The following CUL7 variants were observed in gnomAD, a reference collection of about 807,000 sequenced individuals.
CUL7 encodes the protein cullin-7.
Under a neutral mutation model 177.7 loss-of-function variants are expected in CUL7, and 96 were observed. The ratio of observed to expected loss-of-function variants is 0.54; its 90% CI spans 0.46 to 0.64. The LOEUF is 0.64. Among genes scored for constraint, CUL7 ranks in the 30% least tolerant of loss-of-function variants. The pLI is 0.00. For missense variants in CUL7, 1,893 were observed against 2,187.9 expected (o/e 0.87, Z 2.69); for synonymous variants, 824 against 890.2 (o/e 0.93, Z 1.32).
chr6:43,047,257 GA>G, intron 9 of CUL7, 150 bp from the exon 10 acceptor site: 2 of 652,144 alleles, frequency 3.1e-6, no homozygotes. Flanking sequence ...AAAAGACAGG[GA>G]TGGGGAGACA....
chr6:43,047,185 C>G, intron 9 of CUL7, 78 bp from the exon 10 acceptor site: 1 of 796,614 alleles, frequency 1.3e-6, no homozygotes, highest in African/African-American at 1.7e-5. Flanking sequence ...CAGGTACCCA[C>G]TGTGTACTCT....
chr6:43,039,380 C>T (rs1229912705), intron 22 of CUL7, among the ~76,000 whole-genome samples: 1 of 152,222 alleles, frequency 6.6e-6, no homozygotes, highest in Non-Finnish European at 1.5e-5. Context: ...AGCCTCTTCC[C>T]CCTCCTGTGT....
rs1377596458 is a variant in CUL7 at position 43,053,816 on chromosome 6, C to G, written c.-203G>C. The G allele has an allele frequency of 2.0e-6, 3 of 1,532,998 alleles. No homozygotes were observed. The highest frequency in any genetic ancestry group is 1.2e-5 in the South Asian group (1 of 83,954). The allele number at this position is 1,532,998 out of a possible 1,614,324, so 95.0% of individuals were successfully genotyped here. ...GCAGCCACTGGGGCAGGGTGGGGCC[C>G]GGTCCCTGCCAGCGGCTCCGCCAGC... On this transcript the variant is annotated 5_prime_UTR_variant, in exon 1 of 26. Transcript: ENST00000265348. This position sits in a 1 kb window ranked among gnomAD's most constrained non-coding sequence, Gnocchi z 4.1.
chr6:43,042,758 T>G lies in CUL7; in HGVS notation c.3645+44A>C, dbSNP rs1212650540. On this transcript the variant is annotated intron_variant, in intron 19 of 25. Coordinates refer to ENST00000265348, the MANE Select transcript of CUL7 (RefSeq NM_014780.5). The stretch of plus-strand genomic sequence containing the variant: ...TTTGGAGGAGGTGAGGAAGGGAGAG[T>G]TTGTCGGAAGAGACCCAAGGATGAG... 3 of 1,349,584 alleles carry G rather than the reference T, an allele frequency of 2.2e-6. No individual in the cohort carries two copies. In the South Asian group the frequency reaches 3.6e-5, roughly 16 times the overall value. 83.6% of individuals were successfully genotyped at this position (1,349,584 alleles called of 1,614,324 possible). A position where few individuals can be genotyped will look rare whatever the true frequency, so the allele number is the denominator to read the frequency against.
chr6:43,045,730 G>A lies in CUL7; in HGVS notation c.2767-48C>T, dbSNP rs369419298. The stretch of plus-strand genomic sequence containing the variant: ...GTCACCTCCACACATGCAGAGCCAA[G>A]TTGGCTCTAGGCTCCAGTCCCCTCA... On this transcript the variant is annotated intron_variant, in intron 13 of 25. Coordinates refer to ENST00000265348, the MANE Select transcript of CUL7 (RefSeq NM_014780.5). This position sits in a 1 kb window ranked among gnomAD's most constrained non-coding sequence, Gnocchi z 4.8. 2 of 1,583,788 alleles carry A rather than the reference G, an allele frequency of 1.3e-6. No individual in the cohort carries two copies. Among genetic ancestry groups the A allele is most frequent in the South Asian group, 1.1e-5 (1 of 90,452 alleles).
In CUL7 at chr6:43,051,641, T is replaced by C. The variant is rs1192630585; in HGVS notation, c.703A>G (p.Met235Val). 5.0e-6 allele frequency: 8 copies of C among 1,614,158 alleles called. No individual in the cohort carries two copies. The highest frequency in any genetic ancestry group is 3.3e-5 in the South Asian group (3 of 91,082). Residue 235 changes from methionine to valine, a missense_variant, in exon 3 of 26, where the codon ATG becomes GTG. Transcript: ENST00000265348. The surrounding 1 kb of genome is among the most constrained non-coding windows in gnomAD (Gnocchi z 5.0). Reference sequence around the variant, plus strand: ...GGTAGCTGAATGCCCTCGAAAGACATGGGGTGTTCAGAGAGCGTGGCCTGT... The same window carrying C: ...GGTAGCTGAATGCCCTCGAAAGACACGGGGTGTTCAGAGAGCGTGGCCTGT... ...FAQATLSEHP[M>V]SFEGIQLPQV...
Position 43,053,518 on chromosome 6 carries a change from C to T in CUL7, c.-9+104G>A, listed in dbSNP as rs1007850204. 5.3e-5 allele frequency: 42 copies of T among 792,392 alleles called. No individual in the cohort carries two copies. The highest frequency in any genetic ancestry group is 1.0e-4 in the African/African-American group (5 of 48,038). 49.1% of individuals were successfully genotyped at this position (792,392 alleles called of 1,614,324 possible). A position where few individuals can be genotyped will look rare whatever the true frequency, so the allele number is the denominator to read the frequency against. On this transcript the variant is annotated intron_variant, in intron 1 of 25. Coordinates refer to ENST00000265348, the MANE Select transcript of CUL7 (RefSeq NM_014780.5). This position sits in a 1 kb window ranked among gnomAD's most constrained non-coding sequence, Gnocchi z 4.1. ...GGGATTAGGCCCCATAAGCTAGAAC[C>T]CCGAGGCACGGTAGGATGGGGACCG... is the stretch of plus-strand genomic sequence containing the variant.
Position 43,040,784 on chromosome 6 carries a change from G to A in CUL7, c.3807-38C>T, listed in dbSNP as rs1763347587. On this transcript the variant is annotated intron_variant, in intron 20 of 25. Transcript: ENST00000265348. This position sits in a 1 kb window ranked among gnomAD's most constrained non-coding sequence, Gnocchi z 4.2. ...CAGCCCGGGCCAAGCCTCAGTGTGG[G>A]CACCAGTGTGGCCCAGCCTCCCACT... 1.9e-6 allele frequency: 3 copies of A among 1,606,392 alleles called. No homozygotes were observed. In the East Asian group the frequency reaches 6.7e-5, roughly 36 times the overall value.
rs1764239188 is a variant in CUL7, at chr6:43,049,668, A to G, written c.1570-6T>C. On this transcript the variant is annotated splice_polypyrimidine_tract_variant and splice_region_variant and intron_variant, in intron 6 of 25. Coordinates refer to ENST00000265348, the MANE Select transcript of CUL7 (RefSeq NM_014780.5). The stretch of plus-strand genomic sequence containing the variant: ...AGGATCTCATCATCCAGAATCTGCC[A>G]TCAAGGAGAAGCTCTCACTGCAGAC... 10 of 1,613,996 alleles carry G rather than the reference A, an allele frequency of 6.2e-6. No homozygotes were observed. The highest frequency in any genetic ancestry group is 7.6e-6 in the Non-Finnish European group (9 of 1,179,912).
rs748979963 is a variant in CUL7 at position 43,040,701 on chromosome 6, C to T, written c.3852G>A (p.Leu1284=). ...CGATCTGCTCCAGCACGGCCCCCTC[C>T]AGCCAGCTCGAGACCACGCCCAGGA... is the stretch of plus-strand genomic sequence containing the variant. ...DRLLGVVSSW[L]EGAVLEQIGP... is the part of the protein sequence containing the mutation. Residue 1284 remains leucine (L), a synonymous_variant, in exon 21 of 26, where the codon CTG becomes CTA. Transcript: ENST00000265348. This position sits in a 1 kb window ranked among gnomAD's most constrained non-coding sequence, Gnocchi z 4.2. The T allele has an allele frequency of 6.2e-7, 1 of 1,614,198 alleles. No homozygotes were observed. Among genetic ancestry groups the T allele is most frequent in the South Asian group, 1.1e-5 (1 of 91,074 alleles).
At position 43,048,394 on chromosome 6, in the gene CUL7, C is replaced by T. The variant is rs761099671; in HGVS notation, c.2001G>A (p.Leu667=). The change falls in exon 8 of 26, where the codon CTG becomes CTA. Residue 667 remains leucine, a synonymous_variant. Transcript: ENST00000265348. ...GAGTGTCCAGGCTCTGCATCAGTGC[C>T]AGGAAGGGCTGCGGCTGCCGCTGCA... is the stretch of plus-strand genomic sequence containing the variant. The part of the protein sequence containing the change: ...LQLQRQPQPF[L]ALMQSLDTPE... 8 of 1,614,088 alleles carry T rather than the reference C, an allele frequency of 5.0e-6. No homozygotes were observed. The highest frequency in any genetic ancestry group is 1.7e-4 in the Middle Eastern group (1 of 6,060).
Position 43,053,602 on chromosome 6 carries a change from C to T in CUL7, c.-9+20G>A, listed in dbSNP as rs1286991829. Reference sequence around the variant, plus strand: ...GGGCAGGGAAGGAGAAGCAAGGGGCCGCGGTGGGGCTCTGGCCACCTCAGA... The same window carrying T: ...GGGCAGGGAAGGAGAAGCAAGGGGCTGCGGTGGGGCTCTGGCCACCTCAGA... On this transcript the variant is annotated intron_variant, in intron 1 of 25. Coordinates refer to ENST00000265348, the MANE Select transcript of CUL7 (RefSeq NM_014780.5). The surrounding 1 kb of genome is among the most constrained non-coding windows in gnomAD (Gnocchi z 4.1). 1.5e-6 allele frequency: 2 copies of T among 1,337,756 alleles called. No homozygotes were observed. The highest frequency in any genetic ancestry group is 1.5e-5 in the African/African-American group (1 of 64,764). 82.9% of individuals were successfully genotyped at this position (1,337,756 alleles called of 1,614,324 possible).
chr6:43,043,512 AGT>A lies in CUL7; in HGVS notation c.3289_3290del (p.Thr1097SerfsTer10). ...PAFFSRVRRLTHLLVHVEPCE... is the reference protein window; with the variant it reads ...PAFFSRVRRLXHLLVHVEPCE... ...AGGGCTCGACATGCACCAGCAGGTG[AGT>A]GAGACGGCGCACCCGCGAGAAGAAA... On this transcript the variant is annotated frameshift_variant, in exon 17 of 26. Transcript: ENST00000265348. LOFTEE classifies it high-confidence loss of function. This position sits in a 1 kb window ranked among gnomAD's most constrained non-coding sequence, Gnocchi z 4.2. 1.2e-6 allele frequency: 2 copies of A among 1,614,124 alleles called. No homozygotes were observed. Among genetic ancestry groups the A allele is most frequent in the East Asian group, 4.5e-5 (2 of 44,880 alleles).
Position 43,045,347 on chromosome 6 carries a change from A to G in CUL7, c.2918T>C (p.Phe973Ser), listed in dbSNP as rs780964219. The stretch of plus-strand genomic sequence containing the variant: ...GAGCTGCTCCCGGAACACTGGCCAG[A>G]ACGTGGGCTTGGGGCCTAGGATCTC... ...GLEILGPKPTFWPVFREQLCR... is the reference protein window; with the variant it reads ...GLEILGPKPTSWPVFREQLCR... Residue 973 changes from phenylalanine to serine, a missense_variant, in exon 15 of 26, where the codon TTC (phenylalanine) becomes TCC (serine). Phe to Ser is a radical substitution (Grantham distance 155). Transcript: ENST00000265348. This position sits in a 1 kb window ranked among gnomAD's most constrained non-coding sequence, Gnocchi z 4.8. 6 of 1,614,108 alleles carry G rather than the reference A, an allele frequency of 3.7e-6. No individual in the cohort carries two copies. The highest frequency in any genetic ancestry group is 5.1e-6 in the Non-Finnish European group (6 of 1,180,044).
chr6:43,053,694 G>A lies in CUL7; in HGVS notation c.-81C>T. ...CAAGGGACGCGGCACAGACGCTGGC[G>A]GCGACTTGGGCCCCACCTGGGCCCC... On this transcript the variant is annotated 5_prime_UTR_variant, in exon 1 of 26. Coordinates refer to ENST00000265348, the MANE Select transcript of CUL7 (RefSeq NM_014780.5). This position sits in a 1 kb window ranked among gnomAD's most constrained non-coding sequence, Gnocchi z 4.1. The A allele has an allele frequency of 7.1e-7, 1 of 1,414,672 alleles. No individual in the cohort carries two copies. Among genetic ancestry groups the A allele is most frequent in the Non-Finnish European group, 9.2e-7 (1 of 1,090,034 alleles). The allele number at this position is 1,414,672 out of a possible 1,614,324, so 87.6% of individuals were successfully genotyped here. A position where few individuals can be genotyped will look rare whatever the true frequency, so the allele number is the denominator to read the frequency against.
chr6:43,041,050 A>G lies in CUL7; in HGVS notation c.3671T>C (p.Ile1224Thr), dbSNP rs749702561. 2 of 1,614,004 alleles carry G rather than the reference A, an allele frequency of 1.2e-6. No homozygotes were observed. The highest frequency in any genetic ancestry group is 1.7e-6 in the Non-Finnish European group (2 of 1,179,990). The change falls in exon 20 of 26, where the codon ATT becomes ACT. Residue 1224 changes from isoleucine (I) to threonine (T), a missense_variant. Ile to Thr is a moderately conservative substitution (Grantham distance 89). Coordinates refer to ENST00000265348, the MANE Select transcript of CUL7 (RefSeq NM_014780.5). ...AHVSEQFARH[I>T]DQQIQGSRIG... ...CCGGCTGCCCTGGATCTGCTGGTCA[A>G]TGTGCCGGGCGAACTGCTCACTCAC...
In CUL7 at chr6:43,038,132, C is replaced by T. The variant is rs1017625866; in HGVS notation, c.4774-121G>A. On this transcript the variant is annotated intron_variant, in intron 25 of 25. Coordinates refer to ENST00000265348, the MANE Select transcript of CUL7 (RefSeq NM_014780.5). ...TGCCCCAAGGACACGAGGTACATCC[C>T]GACCTCACTCCTCACACTCCTACAG... 3.3e-5 allele frequency: 49 copies of T among 1,480,326 alleles called. 1 individual carries two copies. In the Middle Eastern group the frequency reaches 7.1e-4, roughly 21 times the overall value. 91.7% of individuals were successfully genotyped at this position (1,480,326 alleles called of 1,614,324 possible). A position where few individuals can be genotyped will look rare whatever the true frequency, so the allele number is the denominator to read the frequency against.
At chr6:43,049,921 A>G in intron 6 of CUL7, 42 bp downstream of exon 6, 1 of 1,577,066 alleles carries the variant, frequency 6.3e-7, no homozygotes, top group Non-Finnish European at 8.7e-7. Context: ...AGCCCTTGCA[A>G]TAGAGCCCTC....
rs1044652677 is a variant in CUL7, at chr6:43,045,375, A to G, written c.2890T>C (p.Leu964=). The G allele has an allele frequency of 6.2e-7, 1 of 1,613,792 alleles. No individual in the cohort carries two copies. The change falls in exon 15 of 26, where the codon TTA becomes CTA. Residue 964 remains leucine (L), a synonymous_variant. Transcript: ENST00000265348. This position sits in a 1 kb window ranked among gnomAD's most constrained non-coding sequence, Gnocchi z 4.8. ...QGGIDTRIRG[L]EILGPKPTFW... is the part of the protein sequence containing the mutation. ...GTGGGCTTGGGGCCTAGGATCTCTA[A>G]CCCCCGAATGCGCGTATCAATGCCA...
Sources: allele counts gnomAD v4.1 joint callset (sites outside exome capture counted in the v4.1 genomes callset), GRCh38; gene constraint gnomAD v4.1.1; non-coding constraint Gnocchi (gnomAD v3.1); transcripts MANE v1.5; gene names NCBI Gene and HGNC (gene_info 2026-07-23, HGNC 2026-07-21).